MBTPS1: variants seen among roughly 807,000 people sequenced by gnomAD.
MBTPS1 encodes membrane bound transcription factor peptidase, site 1.
A neutral mutation model predicts 127.8 loss-of-function variants in MBTPS1; 94 were observed. The observed-to-expected ratio is 0.74, with a 90% confidence interval of 0.62 to 0.87. The LOEUF (loss-of-function observed/expected upper bound fraction) is 0.87. Ranked by LOEUF, MBTPS1 falls within the 40% of genes least tolerant of loss-of-function variation. The probability of loss-of-function intolerance (pLI) is 0.00; values close to 1 mark genes in which losing one functional copy is unlikely to be tolerated. For synonymous variants in MBTPS1, 632 were observed against 509.4 expected (o/e 1.24, Z -3.24); for missense variants, 1,636 against 1,353.2 (o/e 1.21, Z -3.28).
At chr16:84,098,255 T>C (rs116434605) in intron 3 of MBTPS1, among the ~76,000 whole-genome samples, 7,037 of 152,242 alleles carry the variant, frequency 0.046, 251 homozygotes, top group African/African-American at 0.092. Flanking sequence ...TGACCATTCC[T>C]GGTCAGGAGG....
chr16:84,067,534 TAATCAAGC>T, intron 16 of MBTPS1, 125 bp downstream of exon 16: 1 of 721,536 alleles, frequency 1.4e-6, no homozygotes, highest in Non-Finnish European at 2.3e-6. Flanking sequence ...GCTTTTTTTC[TAATCAAGC>T]TCTCTGAATG....
At chr16:84,061,572 T>G (rs561585832) in intron 19 of MBTPS1, 1 of 152,348 alleles carries the variant, frequency 6.6e-6, no homozygotes, top group South Asian at 2.1e-4. Context: ...GAGAAGGAAC[T>G]GTACTGACAC....
Position 84,070,011 on chromosome 16 carries a change from T to G in MBTPS1, c.1810A>C (p.Thr604Pro). Reference protein sequence around the residue: ...ESKNGAEQTSTVKLPIKVKII... With the variant: ...ESKNGAEQTSPVKLPIKVKII... ...TTCACCTTAATGGGGAGCTTTACTGTTGAAGTCTGTTCTGCACCATTTTTT... is the reference window on the plus strand; with the variant it reads ...TTCACCTTAATGGGGAGCTTTACTGGTGAAGTCTGTTCTGCACCATTTTTT... The change falls in exon 14 of 23, where the codon ACA becomes CCA. Residue 604 changes from threonine (T) to proline (P), a missense_variant. Coordinates refer to ENST00000343411, the MANE Select transcript of MBTPS1 (RefSeq NM_003791.4). 1.2e-6 allele frequency: 2 copies of G among 1,613,372 alleles called. No individual in the cohort carries two copies. The highest frequency in any genetic ancestry group is 1.7e-6 in the Non-Finnish European group (2 of 1,179,834).
chr16:84,092,185 C>T (rs2086119327), intron 6 of MBTPS1, among the ~76,000 whole-genome samples: 2 of 152,250 alleles, frequency 1.3e-5, no homozygotes, highest in South Asian at 4.2e-4. Context: ...AGGACTTATC[C>T]CAAGGCACTT....
At chr16:84,114,818 G>A (rs879508238) in intron 1 of MBTPS1, among the ~76,000 whole-genome samples, 5,303 of 151,398 alleles carry the variant, frequency 0.035, 150 homozygotes, top group Middle Eastern at 0.075. Context: ...GACAGAGCGA[G>A]ACTCTGTCTC....
At chr16:84,073,246 G>A (rs1219030469) in intron 12 of MBTPS1, among the ~76,000 whole-genome samples, 1 of 152,144 alleles carries the variant, frequency 6.6e-6, no homozygotes, top group African/African-American at 2.4e-5. Context: ...CGATTCTCCT[G>A]CTTCAGCCTC....
In MBTPS1 at chr16:84,054,566, C is replaced by T; in HGVS notation, c.3042G>A (p.Leu1014=). Residue 1014 remains leucine (L), a synonymous_variant, in exon 23 of 23, where the codon CTG becomes CTA. Coordinates refer to ENST00000343411, the MANE Select transcript of MBTPS1 (RefSeq NM_003791.4). ...VFAFLGAMVV[L]AFFVVQINKA... ...TGTTGATTTGTACCACAAAGAAGGC[C>T]AGGACCACCATGGCTCCCAGGAAGG... 1 of 1,613,922 alleles carries T rather than the reference C, an allele frequency of 6.2e-7. No individual in the cohort carries two copies. The highest frequency in any genetic ancestry group is 1.3e-5 in the African/African-American group (1 of 75,032).
At chr16:84,102,572 AAAGAG>A (rs2086272149) in intron 1 of MBTPS1, among the ~76,000 whole-genome samples, 1 of 152,222 alleles carries the variant, frequency 6.6e-6, no homozygotes, top group South Asian at 2.1e-4. Flanking sequence ...TCTAGCAGCC[AAAGAG>A]AAGAAGGCAT....
chr16:84,067,868 A>G (rs375293588), intron 15 of MBTPS1, 45 bp from the exon 16 acceptor site: 5 of 1,569,896 alleles, frequency 3.2e-6, no homozygotes, highest in Non-Finnish European at 4.4e-6. Flanking sequence ...CTTCTGAATG[A>G]CAGGACACCA....
intron 11 of MBTPS1, chr16:84,075,293 C>T (rs1342297403): frequency 1.3e-5 from 2 of 152,220 alleles, no homozygotes; most frequent in Admixed American, 6.5e-5. Flanking sequence ...CAGGCTGAGT[C>T]CCGTGAGCCC....
intron 20 of MBTPS1, 110 bp downstream of exon 20, chr16:84,060,572 G>A (rs1026591731): frequency 1.8e-5 from 23 of 1,274,610 alleles, no homozygotes; most frequent in African/African-American, 7.3e-5. Flanking sequence ...ACCACTCAGC[G>A]GCGCACACAA....
At chr16:84,059,487 G>A in intron 20 of MBTPS1, 59 bp from the exon 21 acceptor site, 5 of 1,512,374 alleles carry the variant, frequency 3.3e-6, no homozygotes, top group Admixed American at 1.8e-5. Flanking sequence ...AAAATGCAAA[G>A]GAAAAAGGAG....
intron 3 of MBTPS1, among the ~76,000 whole-genome samples, chr16:84,096,139 G>T (rs2086176673): frequency 6.6e-6 from 1 of 152,038 alleles, no homozygotes. Flanking sequence ...TCAGCAACTT[G>T]TTCTCACTGA....
Position 84,114,923 on chromosome 16 carries a change from G to GT in MBTPS1, c.-325+1811dup, listed in dbSNP as rs200496587. ...TTCACCTTAGCCTTCAGTCTTCCAA[G>GT]TTTTTTTTTGTTTTTTGTTTTTTGA... On this transcript the variant is annotated intron_variant, in intron 1 of 22. Transcript: ENST00000343411. 3.6e-3 allele frequency among the ~76,000 whole-genome samples: 535 copies of GT among 150,658 alleles called. 3 individuals are homozygous for GT. Among genetic ancestry groups the GT allele is most frequent in the African/African-American group, 0.012 (477 of 41,114 alleles).
At chr16:84,113,234 A>G (rs1444906203) in intron 1 of MBTPS1, among the ~76,000 whole-genome samples, 1 of 152,160 alleles carries the variant, frequency 6.6e-6, no homozygotes, top group Non-Finnish European at 1.5e-5. Context: ...TAACTTAGAG[A>G]GCCTACTTAG....
At chr16:84,057,431 C>T (rs899774298) in intron 21 of MBTPS1, 3 of 152,258 alleles carry the variant, frequency 2.0e-5, no homozygotes, top group African/African-American at 7.2e-5. Context: ...TGGTAACAGT[C>T]CACACCCATT....
At chr16:84,079,762 C>T (rs1442207705) in intron 11 of MBTPS1, among the ~76,000 whole-genome samples, 1 of 152,166 alleles carries the variant, frequency 6.6e-6, no homozygotes. Context: ...CTGGAATGAA[C>T]ACTGAGATAC....
Position 84,101,824 on chromosome 16 carries a change from A to G in MBTPS1, c.-41T>C. ...TGATCATAAAATTGCATATATTCAA[A>G]TCACACTTTTTTCTTCTTGATTAAA... On this transcript the variant is annotated 5_prime_UTR_variant, in exon 2 of 23. Coordinates refer to ENST00000343411, the MANE Select transcript of MBTPS1 (RefSeq NM_003791.4). 6.4e-7 allele frequency: 1 copy of G among 1,566,604 alleles called. No individual in the cohort carries two copies. The highest frequency in any genetic ancestry group is 8.7e-7 in the Non-Finnish European group (1 of 1,149,538).
At position 84,106,816 on chromosome 16, in the gene MBTPS1, G is replaced by A. The variant is rs183292286; in HGVS notation, c.-324-4709C>T. Among the ~76,000 whole-genome samples the A allele has an allele frequency of 3.9e-3, 597 of 152,312 alleles. 4 individuals carry two copies. Among genetic ancestry groups the A allele is most frequent in the African/African-American group, 0.013 (558 of 41,558 alleles). ...AGAAGATGCTGGCTTGGACCAGGGCGGGCAGGGGAGGTGATAAGAGGCGAT... is the reference window on the plus strand; with the variant it reads ...AGAAGATGCTGGCTTGGACCAGGGCAGGCAGGGGAGGTGATAAGAGGCGAT... On this transcript the variant is annotated intron_variant, in intron 1 of 22. Coordinates refer to ENST00000343411, the MANE Select transcript of MBTPS1 (RefSeq NM_003791.4).
Sources: gnomAD v4.1 joint callset for allele counts (sites outside exome capture counted in the v4.1 genomes callset) on GRCh38, gnomAD v4.1.1 for gene constraint, MANE v1.5 for transcripts, NCBI Gene and HGNC (gene_info 2026-07-23, HGNC 2026-07-21) for gene names.